The following TTLL7 variants were observed in gnomAD, a reference collection of about 807,000 sequenced individuals.
The protein encoded by TTLL7 is tubulin polyglutamylase TTLL7.
TTLL7 carries 53 observed loss-of-function variants against 120.2 expected under a neutral mutation model. The ratio of observed to expected loss-of-function variants is 0.44; its 90% CI spans 0.35 to 0.55. The LOEUF (loss-of-function observed/expected upper bound fraction) is 0.55. TTLL7 is among the 20% of genes least tolerant of loss of function. The probability of loss-of-function intolerance (pLI) is 0.00; values close to 1 mark genes in which losing one functional copy is unlikely to be tolerated. For synonymous variants in TTLL7, 353 were observed against 351.7 expected (o/e 1.00, Z -0.04); for missense variants, 803 against 1,054.7 (o/e 0.76, Z 3.31).
In TTLL7 at chr1:83,892,327, T is replaced by TAC. The variant is rs764684689; in HGVS notation, c.2209-1847_2209-1846insGT. On this transcript the variant is annotated intron_variant, in intron 18 of 20. Transcript: ENST00000260505. ...ATATACGAATATATATGAATATATATGTATATATGAATATATATACGAATA... is the reference window on the plus strand; with the variant it reads ...ATATACGAATATATATGAATATATATACGTATATATGAATATATATACGAATA... Among the ~76,000 whole-genome samples, 78 of 24,252 alleles carry TAC rather than the reference T, an allele frequency of 3.2e-3. 7 individuals are homozygous for TAC. Among genetic ancestry groups the TAC allele is most frequent in the Middle Eastern group, 0.017 (1 of 58 alleles). The allele number at this position is 24,252 out of a possible 152,430, so 15.9% of individuals were successfully genotyped here.
intron 3 of TTLL7, 27 bp downstream of exon 3, chr1:83,951,818 C>A (rs199704898): frequency 0.032 from 50,344 of 1,587,028 alleles, 970 homozygotes; most frequent in African/African-American, 0.069. Context: ...TTATGAGAAT[C>A]CCATGATTGC....
At position 83,866,428 on chromosome 1, in the gene TTLL7, C is replaced by T. The variant is rs889651407; in HGVS notation, c.*3534G>A. On this transcript the variant is annotated 3_prime_UTR_variant, in exon 21 of 21. Transcript: ENST00000260505. ...TCATATATTTTACAAATTAAAAAGA[C>T]AGTTAAAATGAAATCTTTTTATTGA... is the stretch of plus-strand genomic sequence containing the variant. 1.3e-5 allele frequency: 2 copies of T among 151,520 alleles called. No individual in the cohort carries two copies. Among genetic ancestry groups the T allele is most frequent in the African/African-American group, 4.8e-5 (2 of 41,330 alleles). 9.4% of individuals were successfully genotyped at this position (151,520 alleles called of 1,614,324 possible). A position where few individuals can be genotyped will look rare whatever the true frequency, so the allele number is the denominator to read the frequency against.
In TTLL7 at chr1:83,997,235, AATACTATGTGAGT is replaced by A. The variant is rs550839139; in HGVS notation, c.-177+1683_-177+1695del. Among the ~76,000 whole-genome samples, 55 of 152,328 alleles carry A rather than the reference AATACTATGTGAGT, an allele frequency of 3.6e-4. No individual in the cohort carries two copies. In the South Asian group the frequency reaches 9.3e-3, roughly 26 times the overall value. ...GATGACTCTGTTCCTGCCTACCATCAATACTATGTGAGTATTTAGAGATAATGAGCATCTGTAC... is the reference window on the plus strand; with the variant it reads ...GATGACTCTGTTCCTGCCTACCATCAATTTAGAGATAATGAGCATCTGTAC... On this transcript the variant is annotated intron_variant, in intron 1 of 20. Coordinates refer to ENST00000260505, the MANE Select transcript of TTLL7 (RefSeq NM_024686.6).
chr1:83,894,106 A>T (rs1571095966), intron 18 of TTLL7, among the ~76,000 whole-genome samples: 2 of 152,232 alleles, frequency 1.3e-5, no homozygotes, highest in East Asian at 3.9e-4. Context: ...ATGTGATATA[A>T]GAATCAACAC....
intron 1 of TTLL7, among the ~76,000 whole-genome samples, chr1:83,971,406 A>G (rs1188307228): frequency 6.6e-6 from 1 of 152,148 alleles, no homozygotes; most frequent in African/African-American, 2.4e-5. Context: ...GGATGTAATT[A>G]AATGCTTTGA....
intron 7 of TTLL7, among the ~76,000 whole-genome samples, chr1:83,941,364 G>A (rs188648059): frequency 6.6e-6 from 1 of 152,314 alleles, no homozygotes; most frequent in East Asian, 1.9e-4. Context: ...ACAGTGCCCA[G>A]AATGTAGTAG....
In TTLL7 at chr1:83,906,664, C is replaced by A. The variant is rs1016760310; in HGVS notation, c.1993-201G>T. On this transcript the variant is annotated intron_variant, in intron 16 of 20. Transcript: ENST00000260505. The stretch of plus-strand genomic sequence containing the variant: ...CCCAAGAGTGTCTTTCACACTTCCA[C>A]AAGGTTATACTTATTTAGCTCAAAG... 6.3e-5 allele frequency: 39 copies of A among 618,010 alleles called. 1 individual carries two copies. Among genetic ancestry groups the A allele is most frequent in the Admixed American group, 1.9e-4 (6 of 32,150 alleles). 38.3% of individuals were successfully genotyped at this position (618,010 alleles called of 1,614,324 possible). A position where few individuals can be genotyped will look rare whatever the true frequency, so the allele number is the denominator to read the frequency against.
At chr1:83,932,667 A>G (rs977838424) in intron 9 of TTLL7, among the ~76,000 whole-genome samples, 1 of 152,114 alleles carries the variant, frequency 6.6e-6, no homozygotes, top group East Asian at 1.9e-4. Flanking sequence ...CACTCATTTA[A>G]TTTGCTTATG....
intron 20 of TTLL7, among the ~76,000 whole-genome samples, chr1:83,874,395 T>A: frequency 6.6e-6 from 1 of 152,076 alleles, no homozygotes; most frequent in South Asian, 2.1e-4. Flanking sequence ...GTTGTTTCCA[T>A]CTCTTGGCTA....
At chr1:83,897,624 T>C (rs1171434516) in intron 18 of TTLL7, among the ~76,000 whole-genome samples, 1 of 152,046 alleles carries the variant, frequency 6.6e-6, no homozygotes, top group Non-Finnish European at 1.5e-5. Context: ...GGATGAAGCA[T>C]GGCTGGGATA....
At chr1:83,901,826 A>G (rs1656749081) in intron 18 of TTLL7, among the ~76,000 whole-genome samples, 1 of 152,002 alleles carries the variant, frequency 6.6e-6, no homozygotes, top group African/African-American at 2.4e-5. Flanking sequence ...GTTTCAGCTT[A>G]TTCATGACAA....
chr1:83,942,465 A>T lies in TTLL7; in HGVS notation c.721T>A (p.Leu241Met), dbSNP rs1219282198. The change falls in exon 7 of 21, where the codon TTG becomes ATG. Residue 241 changes from leucine (L) to methionine (M), a missense_variant and splice_region_variant. By Grantham distance (15) the Leu-to-Met change is conservative (BLOSUM62 2). Around this residue, in one of 3 missense-constraint regions of TTLL7, gnomAD observed 324 missense variants for 507.7 expected, o/e 0.64. Coordinates refer to ENST00000260505, the MANE Select transcript of TTLL7 (RefSeq NM_024686.6). ...EKYIPPNESN[L>M]TQLYMHLTNY... ...AAGCTCTGTCTGGTATCACTTACCAAATTGGACTCATTAGGTGGAATGTAC... is the reference window on the plus strand; with the variant it reads ...AAGCTCTGTCTGGTATCACTTACCATATTGGACTCATTAGGTGGAATGTAC... 1 of 1,612,456 alleles carries T rather than the reference A, an allele frequency of 6.2e-7. No homozygotes were observed. The highest frequency in any genetic ancestry group is 8.5e-7 in the Non-Finnish European group (1 of 1,178,756).
chr1:83,893,889 T>C (rs1256289429), intron 18 of TTLL7, among the ~76,000 whole-genome samples: 1 of 151,944 alleles, frequency 6.6e-6, no homozygotes, highest in African/African-American at 2.4e-5. Context: ...CAATCTGTAA[T>C]AAAGTAGTGT....
chr1:83,959,710 T>C (rs577516857), intron 1 of TTLL7, among the ~76,000 whole-genome samples: 2 of 151,992 alleles, frequency 1.3e-5, no homozygotes, highest in South Asian at 4.2e-4. Flanking sequence ...TAATACAACC[T>C]CTATGGATAG....
At chr1:83,926,570 G>C (rs548336028) in intron 10 of TTLL7, among the ~76,000 whole-genome samples, 2 of 152,158 alleles carry the variant, frequency 1.3e-5, no homozygotes, top group Non-Finnish European at 2.9e-5. Context: ...AGGGAGCAGA[G>C]TGTAAGAGAA....
At chr1:83,980,092 T>A (rs951715344) in intron 1 of TTLL7, 1 of 152,204 alleles carries the variant, frequency 6.6e-6, no homozygotes, top group Non-Finnish European at 1.5e-5. Context: ...ATTCATCTTT[T>A]AGTGAGTGAG....
chr1:83,882,252 A>AAAT (rs373994232), intron 20 of TTLL7, among the ~76,000 whole-genome samples: 5 of 149,636 alleles, frequency 3.3e-5, no homozygotes, highest in South Asian at 2.1e-4. Flanking sequence ...AATAAAATAA[A>AAAT]AATAATAATA....
chr1:83,998,926 C>T lies in TTLL7; in HGVS notation c.-177+5G>A. 2.5e-6 allele frequency: 1 copy of T among 405,314 alleles called. No homozygotes were observed. Among genetic ancestry groups the T allele is most frequent in the Non-Finnish European group, 5.0e-6 (1 of 201,780 alleles). 25.1% of individuals were successfully genotyped at this position (405,314 alleles called of 1,614,324 possible). A position where few individuals can be genotyped will look rare whatever the true frequency, so the allele number is the denominator to read the frequency against. On this transcript the variant is annotated splice_donor_5th_base_variant and intron_variant, in intron 1 of 20. Coordinates refer to ENST00000260505, the MANE Select transcript of TTLL7 (RefSeq NM_024686.6). ...CGGGGGAGGATGGCGGCAGCAGGTA[C>T]TCACCCGGGTGAGGAAAGCCCAGCC...
intron 3 of TTLL7, among the ~76,000 whole-genome samples, chr1:83,950,333 T>C (rs1381534514): frequency 6.6e-6 from 1 of 152,194 alleles, no homozygotes. Flanking sequence ...TTATAGCTTT[T>C]TTTATGACCT....
Sources: allele counts gnomAD v4.1 joint callset (sites outside exome capture counted in the v4.1 genomes callset), GRCh38; gene constraint gnomAD v4.1.1; regional missense constraint gnomAD v4.1.1; transcripts MANE v1.5; gene names NCBI Gene and HGNC (gene_info 2026-07-23, HGNC 2026-07-21).